Variants in KCNH8 observed in about 807,000 individuals in gnomAD.
KCNH8 encodes voltage-gated delayed rectifier potassium channel KCNH8.
A neutral mutation model predicts 103.6 loss-of-function variants in KCNH8; 70 were observed. That is an observed-to-expected ratio of 0.68 (90% confidence interval 0.56 to 0.82). The LOEUF (loss-of-function observed/expected upper bound fraction) is 0.82. KCNH8 is among the 40% of genes least tolerant of loss of function. The pLI is 0.00. For synonymous variants in KCNH8, 498 were observed against 489.4 expected, an observed-to-expected ratio of 1.02 and a Z score of -0.23; for missense variants, 1,217 against 1,329.9, an observed-to-expected ratio of 0.92 and a Z score of 1.32.
chr3:19,428,438 C>G (rs892523869), intron 7 of KCNH8, among the ~76,000 whole-genome samples: 2 of 152,140 alleles, frequency 1.3e-5, no homozygotes, highest in African/African-American at 4.8e-5. Flanking sequence ...TTTCTACTTA[C>G]GGAACTGGGA....
intron 1 of KCNH8, among the ~76,000 whole-genome samples, chr3:19,190,914 T>C (rs1268775912): frequency 6.6e-6 from 1 of 151,944 alleles, no homozygotes; most frequent in Non-Finnish European, 1.5e-5. Flanking sequence ...GTTTCATTTT[T>C]AAGGAAATGA....
At chr3:19,373,602 A>G (rs1002105122) in intron 5 of KCNH8, among the ~76,000 whole-genome samples, 1 of 151,206 alleles carries the variant, frequency 6.6e-6, no homozygotes, top group Non-Finnish European at 1.5e-5. Flanking sequence ...TTGTGTCTCT[A>G]TTTCCTTCAG....
intron 7 of KCNH8, among the ~76,000 whole-genome samples, chr3:19,409,273 C>T (rs891825270): frequency 6.6e-6 from 1 of 152,038 alleles, no homozygotes; most frequent in Admixed American, 6.6e-5. Flanking sequence ...AAGCTGAACT[C>T]ATAAATGAAG....
intron 7 of KCNH8, 40 bp downstream of exon 7, chr3:19,395,351 T>TA (rs200173594): frequency 3.7e-4 from 518 of 1,414,438 alleles, no homozygotes; most frequent in Non-Finnish European, 4.1e-4. Flanking sequence ...TTTTTTAATT[T>TA]AAAAAAAAAG....
At chr3:19,392,131 T>C (rs1041975813) in intron 6 of KCNH8, among the ~76,000 whole-genome samples, 1 of 150,310 alleles carries the variant, frequency 6.7e-6, no homozygotes, top group Non-Finnish European at 1.5e-5. Context: ...TACATTTTTA[T>C]ATCATTAACA....
At chr3:19,275,392 AC>A (rs1044066488) in intron 2 of KCNH8, among the ~76,000 whole-genome samples, 3 of 151,534 alleles carry the variant, frequency 2.0e-5, no homozygotes, top group African/African-American at 4.9e-5. Context: ...TCTCCTGTCT[AC>A]CCCCCACGCT....
chr3:19,148,819 G>A (rs759507060), intron 1 of KCNH8, 24 bp downstream of exon 1: 1 of 1,600,100 alleles, frequency 6.2e-7, no homozygotes, highest in Non-Finnish European at 8.6e-7. Flanking sequence ...TTGAACGAGT[G>A]GTATGGCATT....
At chr3:19,472,195 CGTGTGTGTGTGTGT>C (rs57766729) in intron 11 of KCNH8, among the ~76,000 whole-genome samples, 2,853 of 137,442 alleles carry the variant, frequency 0.021, 44 homozygotes, top group Admixed American at 0.042. Context: ...TCACTTCATT[CGTGTGTGTGTGTGT>C]GTGTGTGTGT....
intron 4 of KCNH8, among the ~76,000 whole-genome samples, chr3:19,347,238 A>G (rs935215605): frequency 1.3e-5 from 2 of 152,078 alleles, no homozygotes; most frequent in African/African-American, 4.8e-5. Flanking sequence ...TTACAATATA[A>G]TATTGGTCAT....
chr3:19,181,614 C>G (rs1575418667), intron 1 of KCNH8, among the ~76,000 whole-genome samples: 1 of 152,202 alleles, frequency 6.6e-6, no homozygotes, highest in Middle Eastern at 3.4e-3. Flanking sequence ...AGATGAATAT[C>G]TATAAATTGT....
Position 19,513,089 on chromosome 3 carries a change from G to A in KCNH8, c.2199G>A (p.Arg733=), listed in dbSNP as rs750118709. 12 of 1,613,830 alleles carry A rather than the reference G, an allele frequency of 7.4e-6. No homozygotes were observed. Among genetic ancestry groups the A allele is most frequent in the East Asian group, 2.2e-5 (1 of 44,828 alleles). The change falls in exon 13 of 16, where the codon AGG becomes AGA. Residue 733 remains arginine (R), a synonymous_variant. Coordinates refer to ENST00000328405, the MANE Select transcript of KCNH8 (RefSeq NM_144633.3). The part of the protein sequence containing the change: ...EAVSLSPICT[R]GSSSRNKKVG... The stretch of plus-strand genomic sequence containing the variant: ...TCTCCCTCTCTCCCATCTGCACAAG[G>A]GGATCTTCTTCGCGCAACAAGAAGG...
intron 3 of KCNH8, among the ~76,000 whole-genome samples, chr3:19,288,181 C>CTTTTTTTTTTTCTTTTTTTTTTTT (rs2064861256): frequency 1.3e-4 from 5 of 38,176 alleles, no homozygotes; most frequent in African/African-American, 4.8e-4. Flanking sequence ...TATCAAACTT[C>CTTTTTTTTTTTCTTTTTTTTTTTT]TTTTTTTTTT....
intron 1 of KCNH8, among the ~76,000 whole-genome samples, chr3:19,252,778 C>T (rs1044261388): frequency 6.6e-6 from 1 of 152,090 alleles, no homozygotes; most frequent in Non-Finnish European, 1.5e-5. Flanking sequence ...CTCATTAATT[C>T]CTACAACACA....
intron 1 of KCNH8, among the ~76,000 whole-genome samples, chr3:19,212,285 A>T (rs534955301): frequency 2.0e-5 from 3 of 152,306 alleles, no homozygotes; most frequent in East Asian, 3.9e-4. Flanking sequence ...CACAGCTAAC[A>T]GCTAATAGAG....
chr3:19,331,657 G>T (rs1418090906), intron 3 of KCNH8, among the ~76,000 whole-genome samples: 1 of 152,036 alleles, frequency 6.6e-6, no homozygotes, highest in African/African-American at 2.4e-5. Flanking sequence ...AGATATTTTG[G>T]TACAGGCATA....
chr3:19,466,646 T>C (rs530291649), intron 11 of KCNH8, among the ~76,000 whole-genome samples: 256 of 130,044 alleles, frequency 2.0e-3, no homozygotes, highest in South Asian at 3.3e-3. Flanking sequence ...TTTGTAGCAA[T>C]ACATTTTTTT....
chr3:19,377,041 C>G (rs1212358666), intron 5 of KCNH8, among the ~76,000 whole-genome samples: 1 of 151,932 alleles, frequency 6.6e-6, no homozygotes, highest in African/African-American at 2.4e-5. Context: ...TATAAGTTGT[C>G]AATAGAACAA....
chr3:19,369,338 A>C (rs568200452), intron 5 of KCNH8, among the ~76,000 whole-genome samples: 200 of 151,724 alleles, frequency 1.3e-3, no homozygotes, highest in African/African-American at 4.7e-3. Flanking sequence ...ACTGTCTACT[A>C]CTGTGTTCTC....
At chr3:19,526,196 AC>A (rs2069061266) in intron 15 of KCNH8, among the ~76,000 whole-genome samples, 1 of 151,914 alleles carries the variant, frequency 6.6e-6, no homozygotes, top group Non-Finnish European at 1.5e-5. Context: ...GAAAATGTGT[AC>A]ATGTTTGGCA....
Sources: allele counts gnomAD v4.1 joint callset (sites outside exome capture counted in the v4.1 genomes callset), GRCh38; gene constraint gnomAD v4.1.1; transcripts MANE v1.5; gene names NCBI Gene and HGNC (gene_info 2026-07-23, HGNC 2026-07-21).